The following AKT3 variants were observed in gnomAD, a reference collection of about 807,000 sequenced individuals.
The protein encoded by AKT3 is RAC-gamma serine/threonine-protein kinase.
In AKT3, 15 loss-of-function variants were observed where a neutral mutation model predicts 65.3. The observed-to-expected ratio is 0.23, with a 90% CI of 0.15 to 0.35. AKT3 has a LOEUF of 0.35. AKT3 is among the 10% of genes least tolerant of loss of function. AKT3 has a pLI of 1.00. For missense variants in AKT3, 243 were observed against 576.5 expected (o/e 0.42, Z 5.92); for synonymous variants, 206 against 183.8 (o/e 1.12, Z -0.98).
chr1:243,692,570 T>TA (rs562196173), intron 3 of AKT3, among the ~76,000 whole-genome samples: 1,642 of 144,890 alleles, frequency 0.011, 18 homozygotes, highest in African/African-American at 0.038. Context: ...CCATCTCTAC[T>TA]AAAAAAAAAA....
At chr1:243,692,630 T>C (rs1445185972) in intron 3 of AKT3, among the ~76,000 whole-genome samples, 2 of 151,676 alleles carry the variant, frequency 1.3e-5, no homozygotes, top group East Asian at 3.9e-4. Flanking sequence ...CCCAGCTACT[T>C]GGGAGGCTGA....
In AKT3 at chr1:243,503,495, G is replaced by C. The variant is rs1458389623; in HGVS notation, c.*1754C>G. Reference sequence around the variant, plus strand: ...TACATTTCCATGATCACTCCGCGGAGTAGGATGGCCTTCTGCTTGCCGCAA... The same window carrying C: ...TACATTTCCATGATCACTCCGCGGACTAGGATGGCCTTCTGCTTGCCGCAA... On this transcript the variant is annotated 3_prime_UTR_variant, in exon 14 of 14. Transcript: ENST00000673466. 8.6e-6 allele frequency: 2 copies of C among 233,382 alleles called. No homozygotes were observed. Among genetic ancestry groups the C allele is most frequent in the Non-Finnish European group, 1.7e-5 (2 of 117,950 alleles). The allele number at this position is 233,382 out of a possible 1,614,324, so 14.5% of individuals were successfully genotyped here.
intron 2 of AKT3, among the ~76,000 whole-genome samples, chr1:243,710,980 C>G (rs903843049): frequency 1.2e-4 from 18 of 152,158 alleles, no homozygotes; most frequent in Non-Finnish European, 2.4e-4. Context: ...CCAAAATAAA[C>G]TGAGGTTACT....
chr1:243,506,690 C>T (rs1360746263), intron 13 of AKT3, among the ~76,000 whole-genome samples: 1 of 152,220 alleles, frequency 6.6e-6, no homozygotes, highest in Non-Finnish European at 1.5e-5. Flanking sequence ...GAGAACTGAT[C>T]CATCAAGAAG....
intron 13 of AKT3, among the ~76,000 whole-genome samples, chr1:243,494,636 T>A (rs1667361088): frequency 6.6e-6 from 1 of 152,260 alleles, no homozygotes; most frequent in African/African-American, 2.4e-5. Context: ...TGCTCTTCCG[T>A]TAACAGTTCA....
chr1:243,766,581 TAAAC>T (rs1210352853), intron 2 of AKT3, among the ~76,000 whole-genome samples: 2 of 152,064 alleles, frequency 1.3e-5, no homozygotes, highest in African/African-American at 4.8e-5. Flanking sequence ...GGCACAAACA[TAAAC>T]AACCCCCAAT....
intron 2 of AKT3, among the ~76,000 whole-genome samples, chr1:243,760,812 T>C (rs1233176433): frequency 2.6e-5 from 4 of 152,214 alleles, no homozygotes; most frequent in Non-Finnish European, 5.9e-5. Flanking sequence ...AAGAAGGCTA[T>C]GATATGCCTT....
chr1:243,506,316 G>C (rs1157449005), intron 13 of AKT3, among the ~76,000 whole-genome samples: 1 of 152,210 alleles, frequency 6.6e-6, no homozygotes, highest in Non-Finnish European at 1.5e-5. Context: ...GGAAATCAGT[G>C]AATCTTTCCA....
chr1:243,762,956 T>A (rs183772496), intron 2 of AKT3, among the ~76,000 whole-genome samples: 50 of 152,170 alleles, frequency 3.3e-4, no homozygotes, highest in African/African-American at 1.2e-3. Flanking sequence ...TACTCAACTA[T>A]GAAATCAAAT....
intron 6 of AKT3, among the ~76,000 whole-genome samples, chr1:243,633,768 G>A (rs1008975495): frequency 2.0e-5 from 3 of 152,010 alleles, no homozygotes; most frequent in East Asian, 1.9e-4. Context: ...CAAAAGGACC[G>A]AAGTCAGTCC....
intron 2 of AKT3, among the ~76,000 whole-genome samples, chr1:243,758,759 G>A (rs964608862): frequency 1.3e-5 from 2 of 152,222 alleles, no homozygotes; most frequent in Non-Finnish European, 2.9e-5. Flanking sequence ...ACTCCTATGA[G>A]AATCTAACCT....
chr1:243,621,976 T>G (rs1429741858), intron 6 of AKT3, among the ~76,000 whole-genome samples: 1 of 152,218 alleles, frequency 6.6e-6, no homozygotes, highest in African/African-American at 2.4e-5. Flanking sequence ...GCAAACTATC[T>G]GCTTCCAATC....
chr1:243,629,347 C>A (rs1321160917), intron 6 of AKT3, among the ~76,000 whole-genome samples: 1 of 152,098 alleles, frequency 6.6e-6, no homozygotes, highest in Non-Finnish European at 1.5e-5. Context: ...CTATGAGAAT[C>A]ATTATGGGAA....
chr1:243,791,066 T>C (rs1691601648), intron 2 of AKT3, among the ~76,000 whole-genome samples: 1 of 152,214 alleles, frequency 6.6e-6, no homozygotes, highest in Admixed American at 6.5e-5. Context: ...AAAATGGCAC[T>C]GATAGACTGG....
At position 243,728,417 on chromosome 1, in the gene AKT3, G is replaced by A. The variant is rs1380317425; in HGVS notation, c.47-32701C>T. Among the ~76,000 whole-genome samples the A allele has an allele frequency of 2.0e-5, 3 of 152,316 alleles. No individual in the cohort carries two copies. In the East Asian group the frequency reaches 5.8e-4, roughly 29 times the overall value. ...TAAACTCTATCTATAGGTTGTGAGG[G>A]AGACACTTGGGCAGCCAGCACTTGA... On this transcript the variant is annotated intron_variant, in intron 2 of 13. Coordinates refer to ENST00000673466, the MANE Select transcript of AKT3 (RefSeq NM_005465.7).
At chr1:243,655,809 C>T (rs1440638680) in intron 4 of AKT3, among the ~76,000 whole-genome samples, 1 of 152,070 alleles carries the variant, frequency 6.6e-6, no homozygotes, top group Non-Finnish European at 1.5e-5. Flanking sequence ...AAATATCACT[C>T]CCAGCTCTGG....
chr1:243,532,276 A>G (rs1050505102), intron 12 of AKT3, among the ~76,000 whole-genome samples: 22 of 152,310 alleles, frequency 1.4e-4, no homozygotes, highest in African/African-American at 4.8e-5. Flanking sequence ...CCCTTAAAGG[A>G]CAGTCTTTCC....
At chr1:243,759,356 A>AAT (rs1558785492) in intron 2 of AKT3, among the ~76,000 whole-genome samples, 2 of 142,494 alleles carry the variant, frequency 1.4e-5, no homozygotes, top group East Asian at 4.1e-4. Flanking sequence ...AAATTAAATT[A>AAT]AAAATAAAAT....
chr1:243,731,038 G>C (rs1485916321), intron 2 of AKT3, among the ~76,000 whole-genome samples: 1 of 152,212 alleles, frequency 6.6e-6, no homozygotes, highest in Non-Finnish European at 1.5e-5. Context: ...GGCTGAGTGG[G>C]TGGAACGAGC....
Sources: allele counts gnomAD v4.1 joint callset (sites outside exome capture counted in the v4.1 genomes callset), GRCh38; gene constraint gnomAD v4.1.1; transcripts MANE v1.5; gene names NCBI Gene and HGNC (gene_info 2026-07-23, HGNC 2026-07-21).